The following TRIM9 variants were observed in gnomAD, a reference collection of about 807,000 sequenced individuals.
TRIM9 encodes the protein E3 ubiquitin-protein ligase TRIM9.
In TRIM9, 26 loss-of-function variants were observed where a neutral mutation model predicts 78.3. The observed-to-expected ratio is 0.33, with a 90% confidence interval of 0.24 to 0.46. The LOEUF is 0.46. Ranked by LOEUF, TRIM9 falls within the 20% of genes least tolerant of loss-of-function variation. The probability of loss-of-function intolerance (pLI) is 1.00; values close to 1 mark genes in which losing one functional copy is unlikely to be tolerated. For synonymous variants in TRIM9, 398 were observed against 416.5 expected, an observed-to-expected ratio of 0.96 and a Z score of 0.54; for missense variants, 787 against 1,036.4, an observed-to-expected ratio of 0.76 and a Z score of 3.30.
chr14:51,009,494 T>C (rs952207965), intron 4 of TRIM9, among the ~76,000 whole-genome samples: 4 of 152,218 alleles, frequency 2.6e-5, no homozygotes, highest in African/African-American at 9.7e-5. Context: ...CAAATCTGAA[T>C]ATATGATCAT....
At chr14:51,027,437 C>T (rs552704925) in intron 1 of TRIM9, among the ~76,000 whole-genome samples, 1 of 152,238 alleles carries the variant, frequency 6.6e-6, no homozygotes, top group South Asian at 2.1e-4. Flanking sequence ...AGCCACCGTG[C>T]CCAACCAGCT....
chr14:51,010,182 T>C (rs2139633784), intron 4 of TRIM9, among the ~76,000 whole-genome samples: 1 of 152,030 alleles, frequency 6.6e-6, no homozygotes, highest in South Asian at 2.1e-4. Context: ...CTCAGACTTG[T>C]AGTACATGGT....
chr14:51,076,827 C>T (rs1423411926), intron 1 of TRIM9, among the ~76,000 whole-genome samples: 3 of 152,196 alleles, frequency 2.0e-5, no homozygotes, highest in African/African-American at 4.8e-5. Context: ...GTCCTTCCCA[C>T]TGCAAGATAC....
intron 7 of TRIM9, among the ~76,000 whole-genome samples, chr14:50,988,568 C>G (rs1178119669): frequency 7.5e-6 from 1 of 132,732 alleles, no homozygotes; most frequent in Non-Finnish European, 1.6e-5. Context: ...TACTGTACAA[C>G]CATTTCTTTT....
In TRIM9 at chr14:51,053,753, C is replaced by T. The variant is rs1049656672; in HGVS notation, c.823-28393G>A. ...CCAATGCTATCCCTCCCCGCTCCCCCGACCCCACCACAGTCCCCAGAGTGT... is the reference window on the plus strand; with the variant it reads ...CCAATGCTATCCCTCCCCGCTCCCCTGACCCCACCACAGTCCCCAGAGTGT... On this transcript the variant is annotated intron_variant, in intron 1 of 12. Transcript: ENST00000684578. Among the ~76,000 whole-genome samples, 78 of 148,732 alleles carry T rather than the reference C, an allele frequency of 5.2e-4. 2 individuals are homozygous for T. The highest frequency in any genetic ancestry group is 3.5e-3 in the Middle Eastern group (1 of 288).
chr14:50,984,070 A>AC (rs2052370964), intron 8 of TRIM9, among the ~76,000 whole-genome samples: 1 of 152,134 alleles, frequency 6.6e-6, no homozygotes, highest in African/African-American at 2.4e-5. Flanking sequence ...AACTTTTTCA[A>AC]CCATCTCCCT....
chr14:51,016,041 T>C (rs2057153242), intron 3 of TRIM9, among the ~76,000 whole-genome samples: 1 of 152,176 alleles, frequency 6.6e-6, no homozygotes, highest in Non-Finnish European at 1.5e-5. Flanking sequence ...CTGTGGGGGA[T>C]TGATTCCACG....
intron 1 of TRIM9, among the ~76,000 whole-genome samples, chr14:51,036,477 G>A (rs2139928661): frequency 6.6e-6 from 1 of 152,168 alleles, no homozygotes; most frequent in South Asian, 2.1e-4. Flanking sequence ...GGGGAAAGGG[G>A]CTTTACCAGC....
Position 50,976,855 on chromosome 14 carries a change from T to TC in TRIM9, c.*435dup, listed in dbSNP as rs200114910. 793 of 153,366 alleles carry TC rather than the reference T, an allele frequency of 5.2e-3. 7 individuals carry two copies. The highest frequency in any genetic ancestry group is 5.7e-3 in the Non-Finnish European group (391 of 68,570). The allele number at this position is 153,366 out of a possible 1,614,324, so 9.5% of individuals were successfully genotyped here. Reference sequence around the variant, plus strand: ...CAAATTCAGCTCATTCTTCCCTACCTCCCCCTACAACCTCATTGTTTGACA... The same window carrying TC: ...CAAATTCAGCTCATTCTTCCCTACCTCCCCCCTACAACCTCATTGTTTGACA... On this transcript the variant is annotated 3_prime_UTR_variant, in exon 13 of 13. Transcript: ENST00000684578.
intron 1 of TRIM9, among the ~76,000 whole-genome samples, chr14:51,081,139 T>C (rs923578426): frequency 6.6e-6 from 1 of 152,182 alleles, no homozygotes; most frequent in East Asian, 1.9e-4. Flanking sequence ...TAAATAACTC[T>C]TATAACTCAA....
intron 1 of TRIM9, among the ~76,000 whole-genome samples, chr14:51,029,713 G>A (rs1057165291): frequency 6.6e-6 from 1 of 151,696 alleles, no homozygotes. Context: ...AACTCTGATG[G>A]GTGCTTTCAA....
At chr14:51,081,136 C>G (rs1204108322) in intron 1 of TRIM9, among the ~76,000 whole-genome samples, 1 of 152,146 alleles carries the variant, frequency 6.6e-6, no homozygotes, top group Non-Finnish European at 1.5e-5. Context: ...GCATAAATAA[C>G]TCTTATAACT....
chr14:51,000,673 G>A lies in TRIM9; in HGVS notation c.1464+10C>T. ...TGGGTTAACAAGTACGTAGTGGGCT[G>A]TCTACTGACCCGGAATTGACCACCG... On this transcript the variant is annotated intron_variant, in intron 6 of 12. Coordinates refer to ENST00000684578, the MANE Select transcript of TRIM9 (RefSeq NM_001387360.1). 6.2e-7 allele frequency: 1 copy of A among 1,613,986 alleles called. No individual in the cohort carries two copies. Among genetic ancestry groups the A allele is most frequent in the Non-Finnish European group, 8.5e-7 (1 of 1,179,886 alleles).
At chr14:51,012,519 G>A (rs1375920976) in intron 3 of TRIM9, among the ~76,000 whole-genome samples, 1 of 152,136 alleles carries the variant, frequency 6.6e-6, no homozygotes, top group Admixed American at 6.5e-5. Context: ...TTATAAACAC[G>A]AGTGTACAAA....
chr14:51,029,256 G>A (rs182837905), intron 1 of TRIM9, among the ~76,000 whole-genome samples: 1 of 152,308 alleles, frequency 6.6e-6, no homozygotes, highest in East Asian at 1.9e-4. Flanking sequence ...GGTCAAAAGG[G>A]TCACTCGAAG....
At chr14:50,997,769 C>A in intron 7 of TRIM9, 1 of 1,352,708 alleles carries the variant, frequency 7.4e-7, no homozygotes, top group Non-Finnish European at 9.5e-7. Flanking sequence ...TTCAGGCCTT[C>A]ATTTTTCAGC....
intron 1 of TRIM9, among the ~76,000 whole-genome samples, chr14:51,079,002 C>T (rs1370603911): frequency 6.6e-6 from 1 of 152,012 alleles, no homozygotes; most frequent in Non-Finnish European, 1.5e-5. Context: ...ATGTTGTAAA[C>T]CTCAAATATG....
Position 50,998,127 on chromosome 14 carries a change from T to C in TRIM9, c.1526A>G (p.Tyr509Cys). Residue 509 changes from tyrosine (Y) to cysteine (C), a missense_variant, in exon 7 of 13, where the codon TAC becomes TGC. Around this residue, in one of 3 missense-constraint regions of TRIM9, gnomAD observed 421 missense variants for 514.3 expected, o/e 0.82. Coordinates refer to ENST00000684578, the MANE Select transcript of TRIM9 (RefSeq NM_001387360.1). The part of the protein sequence containing the change: ...TVDGLHFNST[Y>C]NARVKAFNKT... ...GTTGAAGGCCTTGACCCGAGCGTTG[T>C]ATGTGCTGTTGAAGTGAAGACCATC... 1 of 1,614,230 alleles carries C rather than the reference T, an allele frequency of 6.2e-7. No homozygotes were observed. Among genetic ancestry groups the C allele is most frequent in the Non-Finnish European group, 8.5e-7 (1 of 1,180,026 alleles).
chr14:50,992,779 G>C (rs766773406), intron 7 of TRIM9, among the ~76,000 whole-genome samples: 30 of 152,322 alleles, frequency 2.0e-4, no homozygotes, highest in Non-Finnish European at 2.8e-4. Flanking sequence ...GCGTGATGCT[G>C]AGAGTCTAAT....
Sources: allele counts gnomAD v4.1 joint callset (sites outside exome capture counted in the v4.1 genomes callset), GRCh38; gene constraint gnomAD v4.1.1; regional missense constraint gnomAD v4.1.1; transcripts MANE v1.5; gene names NCBI Gene and HGNC (gene_info 2026-07-23, HGNC 2026-07-21).